Variants in ARHGEF1 observed in about 807,000 individuals in gnomAD.
ARHGEF1 encodes the protein 115 kDa guanine nucleotide exchange factor.
Under a neutral mutation model 119.7 loss-of-function variants are expected in ARHGEF1, and 40 were observed. The observed-to-expected ratio is 0.33, with a 90% CI of 0.26 to 0.44. The LOEUF is 0.44. ARHGEF1 is among the 20% of genes least tolerant of loss of function. The probability of loss-of-function intolerance (pLI) is 1.00; values close to 1 mark genes in which losing one functional copy is unlikely to be tolerated. For missense variants in ARHGEF1, 976 were observed against 1,268.3 expected (o/e 0.77, Z 3.50); for synonymous variants, 494 against 521.0 (o/e 0.95, Z 0.71).
Position 41,902,983 on chromosome 19 carries a change from A to G in ARHGEF1, c.1738+85A>G, listed in dbSNP as rs1176520818. The G allele has an allele frequency of 1.7e-6, 2 of 1,144,818 alleles. No individual in the cohort carries two copies. The highest frequency in any genetic ancestry group is 1.2e-6 in the Non-Finnish European group (1 of 824,122). 70.9% of individuals were successfully genotyped at this position (1,144,818 alleles called of 1,614,324 possible). A position where few individuals can be genotyped will look rare whatever the true frequency, so the allele number is the denominator to read the frequency against. On this transcript the variant is annotated intron_variant, in intron 18 of 28. Transcript: ENST00000354532. This position sits in a 1 kb window ranked among gnomAD's most constrained non-coding sequence, Gnocchi z 6.5. ...CTCACTCATTTTCATCAGTGATACC[A>G]TCACAGCTCACTGCAGCCTCAACCT... is the stretch of plus-strand genomic sequence containing the variant.
intron 18 of ARHGEF1, among the ~76,000 whole-genome samples, chr19:41,913,923 C>T (rs1314311096): frequency 1.3e-5 from 2 of 151,140 alleles, no homozygotes; most frequent in African/African-American, 4.9e-5. Flanking sequence ...TCACACCCCA[C>T]CTCTGGAGCA....
At position 41,907,400 on chromosome 19, in the gene ARHGEF1, T is replaced by C. The variant is rs968802322; in HGVS notation, c.*313T>C. 11 of 1,531,984 alleles carry C rather than the reference T, an allele frequency of 7.2e-6. No individual in the cohort carries two copies. Among genetic ancestry groups the C allele is most frequent in the Non-Finnish European group, 9.6e-6 (11 of 1,144,554 alleles). 94.9% of individuals were successfully genotyped at this position (1,531,984 alleles called of 1,614,324 possible). On this transcript the variant is annotated 3_prime_UTR_variant, in exon 29 of 29. Coordinates refer to ENST00000354532, the MANE Select transcript of ARHGEF1 (RefSeq NM_004706.4). Reference sequence around the variant, plus strand: ...CCCACCCCCAAGTGCCTTCGCTCTGTTTTTATACCCTGAATTGGAGGTTTA... The same window carrying C: ...CCCACCCCCAAGTGCCTTCGCTCTGCTTTTATACCCTGAATTGGAGGTTTA...
chr19:41,920,071 ACACT>A (rs782237432), upstream of ARHGEF1, among the ~76,000 whole-genome samples: 111 of 132,074 alleles, frequency 8.4e-4, 1 homozygote, highest in African/African-American at 2.3e-3. Flanking sequence ...CAGATGTGAC[ACACT>A]CACAGACATG....
chr19:41,903,003 C>G lies in ARHGEF1; in HGVS notation c.1738+105C>G, dbSNP rs2145852536. On this transcript the variant is annotated intron_variant, in intron 18 of 28. Transcript: ENST00000354532. The surrounding 1 kb of genome is among the most constrained non-coding windows in gnomAD (Gnocchi z 4.2). ...ATACCATCACAGCTCACTGCAGCCT[C>G]AACCTCCCAGGATCTACCATCCTCC... 1.0e-6 allele frequency: 1 copy of G among 975,890 alleles called. No individual in the cohort carries two copies. The highest frequency in any genetic ancestry group is 2.9e-5 in the Admixed American group (1 of 34,740). The allele number at this position is 975,890 out of a possible 1,614,324, so 60.5% of individuals were successfully genotyped here.
At chr19:41,896,742 T>C (rs2074496262) in intron 13 of ARHGEF1, 2 of 624,772 alleles carry the variant, frequency 3.2e-6, no homozygotes, top group Non-Finnish European at 2.9e-6. Flanking sequence ...CACTAATCCT[T>C]CTCCTCCTCC....
At chr19:41,911,828 C>A (rs1195506658), downstream of ARHGEF1, among the ~76,000 whole-genome samples, 1 of 152,156 alleles carries the variant, frequency 6.6e-6, no homozygotes, top group Non-Finnish European at 1.5e-5. Flanking sequence ...ACCTATGAGG[C>A]ACAGGCACAG....
At position 41,905,443 on chromosome 19, in the gene ARHGEF1, T is replaced by C. The variant is rs2074675132; in HGVS notation, c.2336+182T>C. On this transcript the variant is annotated intron_variant, in intron 24 of 28. Transcript: ENST00000354532. The surrounding 1 kb of genome is among the most constrained non-coding windows in gnomAD (Gnocchi z 6.4). ...TGTGCGTGCATATATAGTGTGTGTA[T>C]GCATGCATGTGTGCGTGTGCATGTG... 4.8e-6 allele frequency: 3 copies of C among 627,148 alleles called. No homozygotes were observed. Among genetic ancestry groups the C allele is most frequent in the Non-Finnish European group, 8.3e-6 (3 of 363,270 alleles). The allele number at this position is 627,148 out of a possible 1,614,324, so 38.8% of individuals were successfully genotyped here.
At chr19:41,899,078 AC>A (rs1426000927) in intron 14 of ARHGEF1, among the ~76,000 whole-genome samples, 2 of 151,612 alleles carry the variant, frequency 1.3e-5, no homozygotes, top group Non-Finnish European at 2.9e-5. Context: ...CTGCAGCCTT[AC>A]CCTCCCAGGC....
In ARHGEF1 at chr19:41,907,219, C is replaced by T. The variant is rs782118168; in HGVS notation, c.*132C>T. The stretch of plus-strand genomic sequence containing the variant: ...CCTGAGGAGAGGGAGCTGTGGGCCA[C>T]GCCTGGGAGGGGCCCAGCTGGGGTT... On this transcript the variant is annotated 3_prime_UTR_variant, in exon 29 of 29. Transcript: ENST00000354532. The T allele has an allele frequency of 3.7e-5, 56 of 1,518,692 alleles. No homozygotes were observed. The highest frequency in any genetic ancestry group is 1.7e-4 in the Middle Eastern group (1 of 5,888). The allele number at this position is 1,518,692 out of a possible 1,614,324, so 94.1% of individuals were successfully genotyped here. A position where few individuals can be genotyped will look rare whatever the true frequency, so the allele number is the denominator to read the frequency against.
At chr19:41,897,981 G>C in intron 13 of ARHGEF1, 1 of 1,324,854 alleles carries the variant, frequency 7.5e-7, no homozygotes, top group South Asian at 2.2e-5. Context: ...GAGAGCCTGC[G>C]GGTGAGTGAC....
chr19:41,923,887 T>G (rs1313345722), intron 1 of ARHGEF1, among the ~76,000 whole-genome samples: 2 of 22,736 alleles, frequency 8.8e-5, no homozygotes, highest in Non-Finnish European at 1.6e-4. Context: ...TGGGGGGTGG[T>G]AGGGGTGCGC....
rs368319532 is a variant in ARHGEF1 at position 41,905,936 on chromosome 19, C to A, written c.2405-3C>A. On this transcript the variant is annotated splice_region_variant and splice_polypyrimidine_tract_variant and intron_variant, in intron 25 of 28. Transcript: ENST00000354532. This position sits in a 1 kb window ranked among gnomAD's most constrained non-coding sequence, Gnocchi z 6.4. The stretch of plus-strand genomic sequence containing the variant: ...TGAGCTCCCTCTCTGTTCCCCAATC[C>A]AGCCCGGACCGAGAGAATCCTCAGT... 162 of 1,614,042 alleles carry A rather than the reference C, an allele frequency of 1.0e-4. No individual in the cohort carries two copies. The highest frequency in any genetic ancestry group is 1.3e-4 in the Non-Finnish European group (152 of 1,180,016).
Position 41,905,364 on chromosome 19 carries a change from C to A in ARHGEF1, c.2336+103C>A. The A allele has an allele frequency of 9.5e-7, 1 of 1,049,512 alleles. No homozygotes were observed. Among genetic ancestry groups the A allele is most frequent in the Non-Finnish European group, 1.4e-6 (1 of 718,048 alleles). The allele number at this position is 1,049,512 out of a possible 1,614,324, so 65.0% of individuals were successfully genotyped here. A position where few individuals can be genotyped will look rare whatever the true frequency, so the allele number is the denominator to read the frequency against. ...AGAACCGTCTCTGTGTGAGCATGCA[C>A]ATGTGTGAATGCATGTGTGTGCATA... On this transcript the variant is annotated intron_variant, in intron 24 of 28. Transcript: ENST00000354532. This position sits in a 1 kb window ranked among gnomAD's most constrained non-coding sequence, Gnocchi z 6.4.
intron 1 of ARHGEF1, among the ~76,000 whole-genome samples, chr19:41,885,682 G>A (rs946113195): frequency 5.3e-5 from 8 of 152,136 alleles, no homozygotes; most frequent in Admixed American, 5.2e-4. Flanking sequence ...GGATGGTGTC[G>A]ATCTCTTGAC....
intron 1 of ARHGEF1, among the ~76,000 whole-genome samples, chr19:41,886,439 C>G (rs2074294992): frequency 6.6e-6 from 1 of 152,170 alleles, no homozygotes; most frequent in South Asian, 2.1e-4. Flanking sequence ...CATGCACCCT[C>G]CACGTCCGTG....
At chr19:41,921,360 T>G (rs2074841380), upstream of ARHGEF1, among the ~76,000 whole-genome samples, 1 of 148,598 alleles carries the variant, frequency 6.7e-6, no homozygotes, top group Non-Finnish European at 1.5e-5. The surrounding 1 kb of genome is among the most constrained non-coding windows in gnomAD (Gnocchi z 4.4). Context: ...CGGAGGGAGA[T>G]GGAGGGGGAT....
intron 1 of ARHGEF1, among the ~76,000 whole-genome samples, chr19:41,884,837 G>T (rs1412968681): frequency 1.3e-5 from 2 of 152,144 alleles, no homozygotes; most frequent in Non-Finnish European, 2.9e-5. Flanking sequence ...GTCTCCAGAG[G>T]TTCCACAGAC....
At chr19:41,893,156 C>G (rs148598286) in intron 7 of ARHGEF1, 118 bp from the exon 8 acceptor site, 1 of 1,378,282 alleles carries the variant, frequency 7.3e-7, no homozygotes, top group East Asian at 2.4e-5. Context: ...CCACAGTGTC[C>G]CCTCTCTGTC....
chr19:41,884,789 C>T (rs2074269121), intron 1 of ARHGEF1, among the ~76,000 whole-genome samples: 1 of 152,262 alleles, frequency 6.6e-6, no homozygotes, highest in South Asian at 2.1e-4. Flanking sequence ...GTCTCGGGAC[C>T]CACCACGCAC....
Sources: gnomAD v4.1 joint callset for allele counts (sites outside exome capture counted in the v4.1 genomes callset) on GRCh38, gnomAD v4.1.1 for gene constraint, Gnocchi (gnomAD v3.1) non-coding constraint, MANE v1.5 for transcripts, NCBI Gene and HGNC (gene_info 2026-07-23, HGNC 2026-07-21) for gene names.